ITPK1: variants seen among roughly 807,000 people sequenced by gnomAD.
The protein encoded by ITPK1 is inositol-tetrakisphosphate 1-kinase.
ITPK1 carries 21 observed loss-of-function variants against 45.3 expected under a neutral mutation model. That is an observed-to-expected ratio of 0.46 (90% CI 0.33 to 0.67). The LOEUF (loss-of-function observed/expected upper bound fraction) is 0.67. Among genes scored for constraint, ITPK1 ranks in the 30% least tolerant of loss-of-function variants. The pLI, the probability that ITPK1 is intolerant of heterozygous loss-of-function variation, is 0.02. For synonymous variants in ITPK1, 258 were observed against 253.6 expected (o/e 1.02, Z -0.16); for missense variants, 474 against 573.5 (o/e 0.83, Z 1.77).
intron 4 of ITPK1, among the ~76,000 whole-genome samples, chr14:93,015,049 C>T (rs1040812426): frequency 6.6e-6 from 1 of 152,184 alleles, no homozygotes; most frequent in Non-Finnish European, 1.5e-5. Context: ...CCGAAGGAGA[C>T]GGGGGTGAGG....
intron 4 of ITPK1, among the ~76,000 whole-genome samples, chr14:93,000,827 C>T (rs186891022): frequency 1.3e-4 from 19 of 151,764 alleles, no homozygotes; most frequent in African/African-American, 4.1e-4. Flanking sequence ...CAAAAATTGC[C>T]GTGCATGGTG....
intron 8 of ITPK1, among the ~76,000 whole-genome samples, chr14:92,956,575 G>T (rs1466005594): frequency 6.6e-6 from 1 of 152,100 alleles, no homozygotes; most frequent in Non-Finnish European, 1.5e-5. Flanking sequence ...ACGGAAACTG[G>T]CCCAGCATTT....
At chr14:92,966,674 A>T (rs573674779) in intron 5 of ITPK1, among the ~76,000 whole-genome samples, 2 of 152,346 alleles carry the variant, frequency 1.3e-5, no homozygotes, top group South Asian at 4.1e-4. Context: ...GAGGACTCAC[A>T]CTTCCTCAAT....
chr14:93,055,110 A>C (rs1015891162), intron 3 of ITPK1, among the ~76,000 whole-genome samples: 1 of 152,176 alleles, frequency 6.6e-6, no homozygotes, highest in Non-Finnish European at 1.5e-5. Flanking sequence ...GCCACGTTTC[A>C]TGCCTATGGG....
At chr14:93,001,849 C>A (rs1044926862) in intron 4 of ITPK1, among the ~76,000 whole-genome samples, 7 of 152,202 alleles carry the variant, frequency 4.6e-5, no homozygotes, top group African/African-American at 1.2e-4. Flanking sequence ...TCCACCAGCT[C>A]CTCCGTACCC....
At chr14:93,089,558 G>A (rs1566779904) in intron 2 of ITPK1, among the ~76,000 whole-genome samples, 1 of 152,096 alleles carries the variant, frequency 6.6e-6, no homozygotes, top group Non-Finnish European at 1.5e-5. Flanking sequence ...AGGCAGTAGG[G>A]CTAATGTTTT....
At chr14:93,022,631 C>G (rs58831243) in intron 3 of ITPK1, among the ~76,000 whole-genome samples, 1 of 151,888 alleles carries the variant, frequency 6.6e-6, no homozygotes, top group Non-Finnish European at 1.5e-5. Flanking sequence ...TCCTGCCTAG[C>G]TTCCCAAGTA....
chr14:93,106,469 G>A (rs944201786), intron 2 of ITPK1, among the ~76,000 whole-genome samples: 3 of 152,154 alleles, frequency 2.0e-5, no homozygotes, highest in African/African-American at 7.2e-5. Flanking sequence ...TAAGGCTTAT[G>A]GTAGAGGCCA....
At chr14:92,987,794 A>G (rs945147762) in intron 5 of ITPK1, among the ~76,000 whole-genome samples, 1 of 152,194 alleles carries the variant, frequency 6.6e-6, no homozygotes, top group Non-Finnish European at 1.5e-5. Context: ...ACCTGGTTCC[A>G]CATGCTCTGG....
chr14:92,966,223 C>G (rs1885347573), intron 5 of ITPK1, among the ~76,000 whole-genome samples: 1 of 152,128 alleles, frequency 6.6e-6, no homozygotes, highest in African/African-American at 2.4e-5. Flanking sequence ...AACTCCTTGG[C>G]TCAAGTGATT....
intron 6 of ITPK1, 27 bp downstream of exon 6, chr14:92,962,724 C>T (rs377473709): frequency 1.3e-4 from 207 of 1,558,584 alleles, no homozygotes; most frequent in Non-Finnish European, 1.7e-4. Flanking sequence ...AGCGCCTGCC[C>T]TCAGGTGGAG....
Position 92,952,174 on chromosome 14 carries a change from C to T in ITPK1, c.671-161G>A, listed in dbSNP as rs115440660. ...GCAAGCTGGGCACCAGCCCTGGGCA[C>T]GGATGTGTGCCCCATCAGGGCTCCG... On this transcript the variant is annotated intron_variant, in intron 8 of 10. Coordinates refer to ENST00000267615, the MANE Select transcript of ITPK1 (RefSeq NM_014216.6). Among the ~76,000 whole-genome samples the T allele has an allele frequency of 7.5e-3, 1,136 of 152,314 alleles. 13 individuals carry two copies. Among genetic ancestry groups the T allele is most frequent in the African/African-American group, 0.026 (1,068 of 41,572 alleles).
chr14:92,986,476 C>CA (rs1315549102), intron 5 of ITPK1, among the ~76,000 whole-genome samples: 1 of 152,208 alleles, frequency 6.6e-6, no homozygotes, highest in Non-Finnish European at 1.5e-5. Flanking sequence ...GGCCTAGGAT[C>CA]AGCAGCAGTG....
At chr14:93,029,810 T>C (rs1888942999) in intron 3 of ITPK1, among the ~76,000 whole-genome samples, 1 of 152,124 alleles carries the variant, frequency 6.6e-6, no homozygotes, top group South Asian at 2.1e-4. Flanking sequence ...TCACAGACAC[T>C]GACCCTCCCA....
Position 93,032,875 on chromosome 14 carries a change from G to A in ITPK1, c.121-16074C>T, listed in dbSNP as rs1228440012. Among the ~76,000 whole-genome samples, 1 of 152,214 alleles carries A rather than the reference G, an allele frequency of 6.6e-6. No homozygotes were observed. Among genetic ancestry groups the A allele is most frequent in the South Asian group, 2.1e-4 (1 of 4,832 alleles). On this transcript the variant is annotated intron_variant, in intron 3 of 10. Transcript: ENST00000267615. This position sits in a 1 kb window ranked among gnomAD's most constrained non-coding sequence, Gnocchi z 4.0. ...CGGGTGACAAAGGCCAGCACGGATC[G>A]GATCGTGCACCCTGCAAAGCCAGCC...
At chr14:92,954,913 T>C (rs1010241776) in intron 8 of ITPK1, among the ~76,000 whole-genome samples, 21 of 152,194 alleles carry the variant, frequency 1.4e-4, no homozygotes, top group Admixed American at 1.3e-3. Flanking sequence ...CATATTCTCT[T>C]CCCCTCAGAA....
At position 92,952,010 on chromosome 14, in the gene ITPK1, C is replaced by T. The variant is rs542962675; in HGVS notation, c.674G>A (p.Arg225His). ...GTGGCTGTTGAAGAAGATGGACTCA[C>T]GGTCTGAAAAAGCGACAGGAAGGAG... is the stretch of plus-strand genomic sequence containing the variant. ...LKNFSAGTSD[R>H]ESIFFNSHNV... Residue 225 changes from arginine (R) to histidine (H), a missense_variant, in exon 9 of 11, where the codon CGT becomes CAT. Transcript: ENST00000267615. 66 of 1,569,146 alleles carry T rather than the reference C, an allele frequency of 4.2e-5. No homozygotes were observed. Among genetic ancestry groups the T allele is most frequent in the Middle Eastern group, 1.7e-4 (1 of 6,002 alleles).
rs181707657 is a variant in ITPK1 at position 92,964,641 on chromosome 14, C to T, written c.365-1792G>A. ...CTGCCATAGGCAGGCTTCGGACGGG[C>T]GCTCACCAGCCTGGGCTCCACCCTT... is the stretch of plus-strand genomic sequence containing the variant. On this transcript the variant is annotated intron_variant, in intron 5 of 10. Transcript: ENST00000267615. Among the ~76,000 whole-genome samples, 386 of 152,300 alleles carry T rather than the reference C, an allele frequency of 2.5e-3. 2 individuals are homozygous for T. The highest frequency in any genetic ancestry group is 7.9e-3 in the African/African-American group (330 of 41,558).
chr14:92,958,910 G>A lies in ITPK1; in HGVS notation c.505-544C>T, dbSNP rs757203203. Among the ~76,000 whole-genome samples, 16 of 152,310 alleles carry A rather than the reference G, an allele frequency of 1.1e-4. No homozygotes were observed. The highest frequency in any genetic ancestry group is 2.6e-4 in the African/African-American group (11 of 41,564). ...TGTCTCCCTCACAATGCACATCTGA[G>A]GTGAGCATACAACCTTTCACAGATG... On this transcript the variant is annotated intron_variant, in intron 7 of 10. Transcript: ENST00000267615. This position sits in a 1 kb window ranked among gnomAD's most constrained non-coding sequence, Gnocchi z 4.4.
Sources: gnomAD v4.1 joint callset for allele counts (sites outside exome capture counted in the v4.1 genomes callset) on GRCh38, gnomAD v4.1.1 for gene constraint, Gnocchi (gnomAD v3.1) non-coding constraint, MANE v1.5 for transcripts, NCBI Gene and HGNC (gene_info 2026-07-23, HGNC 2026-07-21) for gene names.